Variants in CCSER1 observed in about 807,000 individuals in gnomAD.
The protein encoded by CCSER1 is serine-rich coiled-coil domain-containing protein 1.
In CCSER1, 41 loss-of-function variants were observed where a neutral mutation model predicts 82.0. The observed-to-expected ratio is 0.50, with a 90% confidence interval of 0.39 to 0.65. The LOEUF (loss-of-function observed/expected upper bound fraction) is 0.65. Ranked by LOEUF, CCSER1 falls within the 30% of genes least tolerant of loss-of-function variation. The probability of loss-of-function intolerance (pLI) is 0.00; values close to 1 mark genes in which losing one functional copy is unlikely to be tolerated. For missense variants in CCSER1, 1,119 were observed against 1,064.2 expected (o/e 1.05, Z -0.72); for synonymous variants, 414 against 383.9 (o/e 1.08, Z -0.92).
At chr4:91,002,912 T>A (rs28742050) in intron 9 of CCSER1, among the ~76,000 whole-genome samples, 8,513 of 152,280 alleles carry the variant, frequency 0.056, 267 homozygotes, top group Middle Eastern at 0.092. Flanking sequence ...TGAAGGCTGC[T>A]GTTCAGATTC....
Position 90,723,889 on chromosome 4 carries a change from A to C in CCSER1, c.1933-25A>C, listed in dbSNP as rs764553014. On this transcript the variant is annotated intron_variant, in intron 6 of 10. Coordinates refer to ENST00000509176, the MANE Select transcript of CCSER1 (RefSeq NM_001145065.2). Reference sequence around the variant, plus strand: ...AAATGACTACAAAACAATCCTAATTAAATTCAATTTCACTGTCCTTGCAGA... The same window carrying C: ...AAATGACTACAAAACAATCCTAATTCAATTCAATTTCACTGTCCTTGCAGA... 5 of 1,307,586 alleles carry C rather than the reference A, an allele frequency of 3.8e-6. No homozygotes were observed. In the South Asian group the frequency reaches 5.9e-5, roughly 15 times the overall value. 81.0% of individuals were successfully genotyped at this position (1,307,586 alleles called of 1,614,324 possible). A position where few individuals can be genotyped will look rare whatever the true frequency, so the allele number is the denominator to read the frequency against.
chr4:90,552,553 G>A (rs1272578324), intron 5 of CCSER1, among the ~76,000 whole-genome samples: 1 of 152,010 alleles, frequency 6.6e-6, no homozygotes, highest in African/African-American at 2.4e-5. Flanking sequence ...CACTTCCCGG[G>A]CTCAAGCGAT....
chr4:91,109,313 T>G (rs1298788849), intron 10 of CCSER1, among the ~76,000 whole-genome samples: 1 of 152,150 alleles, frequency 6.6e-6, no homozygotes, highest in East Asian at 1.9e-4. Flanking sequence ...GATTGATGTA[T>G]CAATCTATCA....
chr4:90,237,318 T>G (rs1745983809), intron 1 of CCSER1, among the ~76,000 whole-genome samples: 1 of 152,202 alleles, frequency 6.6e-6, no homozygotes. Context: ...CTCTGTCATC[T>G]GCATTTAATG....
intron 10 of CCSER1, among the ~76,000 whole-genome samples, chr4:91,311,417 A>C (rs984495337): frequency 6.6e-6 from 1 of 151,950 alleles, no homozygotes; most frequent in Non-Finnish European, 1.5e-5. Context: ...CTAAATGAAG[A>C]CACTTTGACA....
chr4:90,925,367 T>C (rs998455307), intron 9 of CCSER1, among the ~76,000 whole-genome samples: 9 of 152,098 alleles, frequency 5.9e-5, no homozygotes, highest in African/African-American at 2.2e-4. Flanking sequence ...AGAAAACAAA[T>C]ATACATTTGG....
intron 10 of CCSER1, among the ~76,000 whole-genome samples, chr4:91,305,565 G>T (rs991179139): frequency 2.6e-5 from 4 of 151,956 alleles, no homozygotes; most frequent in African/African-American, 9.7e-5. Flanking sequence ...ATTAATGATT[G>T]ATTCATACAT....
At chr4:90,791,633 G>A (rs372431998) in intron 7 of CCSER1, among the ~76,000 whole-genome samples, 22 of 151,970 alleles carry the variant, frequency 1.4e-4, no homozygotes, top group South Asian at 4.2e-4. Context: ...GGCGGATCAC[G>A]AGGTCAGGAG....
chr4:90,129,560 C>G (rs1273183590), intron 1 of CCSER1, among the ~76,000 whole-genome samples: 1 of 152,170 alleles, frequency 6.6e-6, no homozygotes, highest in Non-Finnish European at 1.5e-5. Context: ...CAATGTTTTT[C>G]AAATATTGAA....
chr4:90,750,938 T>A (rs934661745), intron 7 of CCSER1, among the ~76,000 whole-genome samples: 1 of 152,172 alleles, frequency 6.6e-6, no homozygotes, highest in Non-Finnish European at 1.5e-5. Flanking sequence ...AAATATATCT[T>A]AATTAAACCC....
chr4:90,932,978 GAAAGAGAAAGAAAGAAAGAA>G (rs1561385010), intron 9 of CCSER1, among the ~76,000 whole-genome samples: 14 of 27,918 alleles, frequency 5.0e-4, no homozygotes, highest in Non-Finnish European at 8.2e-4. Context: ...AAGAAAGAAA[GAAAGAGAAAGAAAGAAAGAA>G]AGAAAGAAAG....
chr4:91,039,920 T>A (rs1741815225), intron 9 of CCSER1, among the ~76,000 whole-genome samples: 1 of 152,134 alleles, frequency 6.6e-6, no homozygotes. Context: ...TTTAGTCACC[T>A]CTGTTTGTTG....
intron 7 of CCSER1, among the ~76,000 whole-genome samples, chr4:90,753,594 A>G (rs1217479890): frequency 6.6e-6 from 1 of 152,104 alleles, no homozygotes; most frequent in Non-Finnish European, 1.5e-5. Flanking sequence ...TATTATCAGT[A>G]TCATTTCTCA....
intron 10 of CCSER1, among the ~76,000 whole-genome samples, chr4:91,575,957 A>G (rs1159521253): frequency 2.0e-5 from 3 of 151,962 alleles, no homozygotes; most frequent in Admixed American, 6.6e-5. Flanking sequence ...TCTTCAAAAA[A>G]TTAAAAATAA....
intron 1 of CCSER1, among the ~76,000 whole-genome samples, chr4:90,220,864 C>T (rs1446696887): frequency 1.3e-5 from 2 of 152,058 alleles, no homozygotes; most frequent in African/African-American, 2.4e-5. Flanking sequence ...ATTTTAATAA[C>T]CTCTGGATTT....
chr4:90,337,690 G>T (rs1297894863), intron 3 of CCSER1, among the ~76,000 whole-genome samples: 1 of 151,564 alleles, frequency 6.6e-6, no homozygotes, highest in African/African-American at 2.4e-5. Flanking sequence ...GTTGGTTTCT[G>T]TGAGTTGTAT....
intron 10 of CCSER1, among the ~76,000 whole-genome samples, chr4:91,267,920 A>G (rs958775392): frequency 6.6e-6 from 1 of 152,242 alleles, no homozygotes; most frequent in Non-Finnish European, 1.5e-5. Flanking sequence ...TCAGCATACC[A>G]TCAGAGTTCA....
chr4:91,572,725 G>A (rs13112431), intron 10 of CCSER1, among the ~76,000 whole-genome samples: 57,345 of 151,318 alleles, frequency 0.38, 11,083 homozygotes, highest in East Asian at 0.6. Context: ...ATCTTGGGAG[G>A]CCAAGGTGGG....
intron 10 of CCSER1, among the ~76,000 whole-genome samples, chr4:91,423,027 T>A (rs1483330570): frequency 6.6e-6 from 1 of 152,148 alleles, no homozygotes; most frequent in Non-Finnish European, 1.5e-5. Flanking sequence ...ACTAATGAGT[T>A]TATTCTAGAA....
Sources: allele counts gnomAD v4.1 joint callset (sites outside exome capture counted in the v4.1 genomes callset), GRCh38; gene constraint gnomAD v4.1.1; transcripts MANE v1.5; gene names NCBI Gene and HGNC (gene_info 2026-07-23, HGNC 2026-07-21).